The following PITPNB variants were observed in gnomAD, a reference collection of about 807,000 sequenced individuals.
The protein encoded by PITPNB is phosphatidylinositol transfer protein beta.
In PITPNB, 16 loss-of-function variants were observed where a neutral mutation model predicts 45.9. That is an observed-to-expected ratio of 0.35 (90% CI 0.24 to 0.53). The LOEUF (loss-of-function observed/expected upper bound fraction) is 0.53, where lower values mean the gene tolerates loss of function less well. Among genes scored for constraint, PITPNB ranks in the 20% least tolerant of loss-of-function variants. PITPNB has a pLI of 0.93. For synonymous variants in PITPNB, 112 were observed against 108.9 expected, an observed-to-expected ratio of 1.03 and a Z score of -0.18; for missense variants, 188 against 330.5, an observed-to-expected ratio of 0.57 and a Z score of 3.34.
At chr22:27,860,403 C>T (rs976837846) in intron 8 of PITPNB, 162 bp from the exon 9 acceptor site, 7 of 536,536 alleles carry the variant, frequency 1.3e-5, no homozygotes, top group African/African-American at 3.8e-5. Context: ...TAGCAAAAGC[C>T]GCAGTATTCC....
intron 2 of PITPNB, among the ~76,000 whole-genome samples, chr22:27,911,514 T>C (rs1935921531): frequency 1.3e-5 from 2 of 152,250 alleles, no homozygotes; most frequent in Non-Finnish European, 2.9e-5. Flanking sequence ...ATGGCAGAAA[T>C]ACAACTGGCA....
intron 8 of PITPNB, among the ~76,000 whole-genome samples, chr22:27,868,686 T>A (rs947806619): frequency 6.6e-6 from 1 of 152,176 alleles, no homozygotes; most frequent in Non-Finnish European, 1.5e-5. Context: ...GCCTTTATGA[T>A]GAGAAAGAAC....
chr22:27,869,954 CCA>C, intron 8 of PITPNB, among the ~76,000 whole-genome samples: 1 of 152,132 alleles, frequency 6.6e-6, no homozygotes, highest in South Asian at 2.1e-4. Flanking sequence ...TGAAAACGTA[CCA>C]CTAGTGTAAC....
At chr22:27,861,273 C>A (rs1441867073) in intron 8 of PITPNB, among the ~76,000 whole-genome samples, 1 of 151,948 alleles carries the variant, frequency 6.6e-6, no homozygotes, top group East Asian at 1.9e-4. Flanking sequence ...TGCCCTCCAG[C>A]CTGGGCTACA....
intron 3 of PITPNB, among the ~76,000 whole-genome samples, chr22:27,908,736 CA>C (rs1367709804): frequency 1.3e-5 from 2 of 151,964 alleles, no homozygotes; most frequent in African/African-American, 2.4e-5. Context: ...TCTGGAATGC[CA>C]AAATCTTCTC....
intron 7 of PITPNB, among the ~76,000 whole-genome samples, chr22:27,876,070 C>T (rs1934812156): frequency 6.6e-6 from 1 of 152,186 alleles, no homozygotes; most frequent in Admixed American, 6.5e-5. Flanking sequence ...ACCCAAGCTC[C>T]TTCATTTGAC....
chr22:27,866,154 G>A lies in PITPNB; in HGVS notation c.535-5913C>T, dbSNP rs1042342535. Among the ~76,000 whole-genome samples the A allele has an allele frequency of 2.5e-4, 38 of 152,312 alleles. 1 individual carries two copies. The highest frequency in any genetic ancestry group is 2.0e-3 in the Admixed American group (30 of 15,290). ...CAATCAAAAGTTCTACAAGATGAAC[G>A]TCATGGGCTAACAAGAACCTCAAAT... On this transcript the variant is annotated intron_variant, in intron 8 of 11. Transcript: ENST00000335272.
At chr22:27,898,445 GA>G (rs2039994183) in intron 3 of PITPNB, among the ~76,000 whole-genome samples, 1 of 149,502 alleles carries the variant, frequency 6.7e-6, no homozygotes, top group African/African-American at 2.5e-5. Flanking sequence ...TTTTTAAATA[GA>G]AGCAATTATT....
In PITPNB at chr22:27,919,250, C is replaced by T. The variant is rs1019998692; in HGVS notation, c.-59G>A. The T allele has an allele frequency of 8.0e-5, 119 of 1,486,874 alleles. No individual in the cohort carries two copies. The highest frequency in any genetic ancestry group is 1.0e-4 in the Non-Finnish European group (111 of 1,066,894). The allele number at this position is 1,486,874 out of a possible 1,614,324, so 92.1% of individuals were successfully genotyped here. On this transcript the variant is annotated 5_prime_UTR_variant, in exon 1 of 12. Coordinates refer to ENST00000335272, the MANE Select transcript of PITPNB (RefSeq NM_012399.5). The stretch of plus-strand genomic sequence containing the variant: ...CCACCGCCGCCGCCGCCGCTACCGC[C>T]TCTCACAGCGCCTGCGCGGCCCCGC...
At chr22:27,908,647 T>G (rs1935831711) in intron 3 of PITPNB, among the ~76,000 whole-genome samples, 1 of 152,030 alleles carries the variant, frequency 6.6e-6, no homozygotes. Context: ...AATTAACAGG[T>G]AAATGCAAAA....
At chr22:27,898,435 T>C (rs915077171) in intron 3 of PITPNB, among the ~76,000 whole-genome samples, 1 of 151,646 alleles carries the variant, frequency 6.6e-6, no homozygotes, top group Non-Finnish European at 1.5e-5. Context: ...GGTTTTTTTT[T>C]TTTTAAATAG....
At chr22:27,883,716 CAG>C (rs760791281) in intron 7 of PITPNB, among the ~76,000 whole-genome samples, 2 of 152,362 alleles carry the variant, frequency 1.3e-5, no homozygotes, top group African/African-American at 4.8e-5. Flanking sequence ...CAGCGACCCT[CAG>C]GGGCTCTAAA....
At chr22:27,905,397 G>A (rs954303298) in intron 3 of PITPNB, among the ~76,000 whole-genome samples, 6 of 152,070 alleles carry the variant, frequency 3.9e-5, no homozygotes, top group African/African-American at 7.2e-5. Flanking sequence ...TAATCCACCC[G>A]CCTTGGCCTC....
chr22:27,862,646 T>C (rs1934373031), intron 8 of PITPNB, among the ~76,000 whole-genome samples: 4 of 152,216 alleles, frequency 2.6e-5, no homozygotes, highest in Admixed American at 2.6e-4. Flanking sequence ...ATTCAGGATG[T>C]ATGTGTATGT....
chr22:27,854,399 T>C (rs1181947626), intron 11 of PITPNB, among the ~76,000 whole-genome samples: 1 of 152,232 alleles, frequency 6.6e-6, no homozygotes, highest in Non-Finnish European at 1.5e-5. Flanking sequence ...CAAGGAAGAC[T>C]TTCTGGTGCA....
Position 27,910,953 on chromosome 22 carries a change from A to G in PITPNB, c.197+11T>C. The G allele has an allele frequency of 6.2e-7, 1 of 1,608,530 alleles. No homozygotes were observed. Among genetic ancestry groups the G allele is most frequent in the Non-Finnish European group, 8.5e-7 (1 of 1,175,632 alleles). ...GGTAGTTACAAGGCGTCAAATGTGA[A>G]CACCGCTTACCTCTTTAGGTGATAA... is the stretch of plus-strand genomic sequence containing the variant. On this transcript the variant is annotated intron_variant, in intron 3 of 11. Coordinates refer to ENST00000335272, the MANE Select transcript of PITPNB (RefSeq NM_012399.5).
In PITPNB at chr22:27,854,950, A is replaced by T; in HGVS notation, c.769-11T>A. 6.8e-6 allele frequency: 11 copies of T among 1,607,540 alleles called. No individual in the cohort carries two copies. Among genetic ancestry groups the T allele is most frequent in the Non-Finnish European group, 8.5e-6 (10 of 1,174,034 alleles). On this transcript the variant is annotated splice_polypyrimidine_tract_variant and intron_variant, in intron 10 of 11. Transcript: ENST00000335272. The stretch of plus-strand genomic sequence containing the variant: ...ACCCCTCTTACGCATCTAAACGTAA[A>T]ATAAAATTGTGAGCTGCTGAAATCA...
chr22:27,905,738 C>T (rs1321627882), intron 3 of PITPNB, among the ~76,000 whole-genome samples: 1 of 152,136 alleles, frequency 6.6e-6, no homozygotes, highest in South Asian at 2.1e-4. Flanking sequence ...CTGAAGATGG[C>T]GAAAGTGTAA....
At chr22:27,912,276 A>C (rs1935948956) in intron 2 of PITPNB, among the ~76,000 whole-genome samples, 1 of 151,880 alleles carries the variant, frequency 6.6e-6, no homozygotes, top group South Asian at 2.1e-4. Flanking sequence ...CCACACACAC[A>C]CTCTTACTCA....
Sources: allele counts gnomAD v4.1 joint callset (sites outside exome capture counted in the v4.1 genomes callset), GRCh38; gene constraint gnomAD v4.1.1; transcripts MANE v1.5; gene names NCBI Gene and HGNC (gene_info 2026-07-23, HGNC 2026-07-21).